The following SGCD variants were observed in gnomAD, a reference collection of about 807,000 sequenced individuals.
The protein encoded by SGCD is sarcoglycan delta.
A neutral mutation model predicts 36.6 loss-of-function variants in SGCD; 18 were observed. The observed-to-expected ratio is 0.49, with a 90% confidence interval of 0.34 to 0.73. The LOEUF (loss-of-function observed/expected upper bound fraction) is 0.73. Among genes scored for constraint, SGCD ranks in the 30% least tolerant of loss-of-function variants. SGCD has a pLI of 0.01. For missense variants in SGCD, 387 were observed against 346.7 expected, an observed-to-expected ratio of 1.12 and a Z score of -0.92; for synonymous variants, 133 against 130.6, an observed-to-expected ratio of 1.02 and a Z score of -0.12.
chr5:156,476,376 A>C (rs963083577), intron 3 of SGCD, among the ~76,000 whole-genome samples: 2 of 152,208 alleles, frequency 1.3e-5, no homozygotes, highest in African/African-American at 4.8e-5. Context: ...CCGAAGTGGA[A>C]GCAGAATTAA....
chr5:155,902,142 G>A (rs144913485), intron 1 of SGCD, among the ~76,000 whole-genome samples: 2,844 of 152,134 alleles, frequency 0.019, 45 homozygotes, highest in South Asian at 0.032. Flanking sequence ...ACACTTAACC[G>A]TGTGCCTTTT....
rs900010728 is a variant in SGCD at position 156,344,551 on chromosome 5, A to G, written c.66A>G (p.Val22=). 3 of 1,612,112 alleles carry G rather than the reference A, an allele frequency of 1.9e-6. No individual in the cohort carries two copies. Among genetic ancestry groups the G allele is most frequent in the Non-Finnish European group, 2.5e-6 (3 of 1,178,930 alleles). Residue 22 remains valine (V), a synonymous_variant, in exon 3 of 9, where the codon GTA becomes GTG. Transcript: ENST00000337851. ...STMPGSVGPQ[V]YKVGIYGWRK... Reference sequence around the variant, plus strand: ...TGCCTGGCTCTGTGGGGCCACAGGTATACAAGGTGGGGATTTATGGCTGGC... The same window carrying G: ...TGCCTGGCTCTGTGGGGCCACAGGTGTACAAGGTGGGGATTTATGGCTGGC...
intron 1 of SGCD, among the ~76,000 whole-genome samples, chr5:155,982,500 C>T (rs1241923696): frequency 2.0e-5 from 3 of 152,094 alleles, no homozygotes; most frequent in Admixed American, 6.5e-5. Flanking sequence ...CTGCTTGGGC[C>T]AGTAGGATTT....
At chr5:155,859,334 T>C in the SGCD span, among the ~76,000 whole-genome samples, 1 of 152,142 alleles carries the variant, frequency 6.6e-6, no homozygotes, top group African/African-American at 2.4e-5. Context: ...CCCAAAGTGC[T>C]GGGATTACAG....
intron 3 of SGCD, among the ~76,000 whole-genome samples, chr5:156,496,118 G>A (rs1228271398): frequency 6.6e-6 from 1 of 152,108 alleles, no homozygotes; most frequent in African/African-American, 2.4e-5. Flanking sequence ...TGTCCAGGTA[G>A]CATCTCATTC....
At chr5:156,560,034 A>G (rs2113237520) in intron 4 of SGCD, among the ~76,000 whole-genome samples, 1 of 152,318 alleles carries the variant, frequency 6.6e-6, no homozygotes, top group Non-Finnish European at 1.5e-5. Flanking sequence ...TGGAGGTCAG[A>G]GGTTAGAAAT....
At chr5:155,842,264 T>C in the SGCD span, among the ~76,000 whole-genome samples, 26 of 150,316 alleles carry the variant, frequency 1.7e-4, no homozygotes, top group South Asian at 4.2e-4. Flanking sequence ...TTTTTTTTTT[T>C]CTAATAGCCA....
chr5:156,758,392 T>G (rs865953125), intron 8 of SGCD, among the ~76,000 whole-genome samples: 1,548 of 149,910 alleles, frequency 0.01, 16 homozygotes, highest in Non-Finnish European at 0.013. Context: ...TCTGTGTGTT[T>G]TTTTTTTTTT....
At chr5:156,579,701 T>C (rs1760161326) in intron 4 of SGCD, among the ~76,000 whole-genome samples, 1 of 152,224 alleles carries the variant, frequency 6.6e-6, no homozygotes, top group Non-Finnish European at 1.5e-5. Context: ...TTTGTTGGTT[T>C]AAAGTCTGTT....
the SGCD span, among the ~76,000 whole-genome samples, chr5:155,769,630 A>G: frequency 6.6e-6 from 1 of 152,150 alleles, no homozygotes; most frequent in Non-Finnish European, 1.5e-5. Context: ...TAACCTTGGC[A>G]TAGTCCTGGA....
the SGCD span, among the ~76,000 whole-genome samples, chr5:155,844,101 A>G: frequency 7.9e-6 from 1 of 126,110 alleles, no homozygotes; most frequent in African/African-American, 3.0e-5. Context: ...AAAAAATGTC[A>G]GTATTCAAAA....
chr5:156,279,476 T>C (rs1766393415), intron 3 of SGCD, among the ~76,000 whole-genome samples: 1 of 152,132 alleles, frequency 6.6e-6, no homozygotes, highest in Admixed American at 6.6e-5. Flanking sequence ...TGTGACTTCA[T>C]GAGAAATACT....
the SGCD span, among the ~76,000 whole-genome samples, chr5:155,860,351 G>A: frequency 6.6e-6 from 1 of 151,998 alleles, no homozygotes; most frequent in African/African-American, 2.4e-5. Context: ...TTAACCTATT[G>A]GTATATTTTA....
chr5:156,075,526 A>T (rs898586209), intron 1 of SGCD, among the ~76,000 whole-genome samples: 21 of 152,216 alleles, frequency 1.4e-4, no homozygotes, highest in Admixed American at 1.4e-3. Flanking sequence ...GCCCAGGAAC[A>T]TCAGGATTTA....
At chr5:156,620,786 A>G (rs978215941) in intron 6 of SGCD, among the ~76,000 whole-genome samples, 1 of 152,216 alleles carries the variant, frequency 6.6e-6, no homozygotes, top group Non-Finnish European at 1.5e-5. Context: ...AGCATATAGT[A>G]AACAGGAATT....
chr5:155,805,625 C>T, the SGCD span, among the ~76,000 whole-genome samples: 123 of 152,286 alleles, frequency 8.1e-4, no homozygotes, highest in African/African-American at 2.8e-3. Context: ...CTCCACTCAT[C>T]GCGAAATAGT....
intron 3 of SGCD, among the ~76,000 whole-genome samples, chr5:156,429,265 C>CTTTTTTTTTT (rs3074973): frequency 2.4e-5 from 3 of 123,784 alleles, no homozygotes; most frequent in African/African-American, 5.8e-5. Context: ...CCCTCATTGT[C>CTTTTTTTTTT]TTTTTTTTTT....
At chr5:156,136,116 A>G (rs1022876186) in intron 3 of SGCD, among the ~76,000 whole-genome samples, 1 of 151,966 alleles carries the variant, frequency 6.6e-6, no homozygotes, top group Non-Finnish European at 1.5e-5. Context: ...TTTTATATTT[A>G]TTTATTTATA....
intron 1 of SGCD, among the ~76,000 whole-genome samples, chr5:155,935,178 G>T (rs1757170660): frequency 6.6e-6 from 1 of 152,076 alleles, no homozygotes; most frequent in South Asian, 2.1e-4. Flanking sequence ...AGCAAGAATT[G>T]GTTTCTGTTG....
Sources: allele counts gnomAD v4.1 joint callset (sites outside exome capture counted in the v4.1 genomes callset), GRCh38; gene constraint gnomAD v4.1.1; transcripts MANE v1.5; gene names NCBI Gene and HGNC (gene_info 2026-07-23, HGNC 2026-07-21).